The following TAF8 variants were observed in gnomAD, a reference collection of about 807,000 sequenced individuals.
TAF8 encodes the protein TATA-box binding protein associated factor 8, also known as transcription initiation factor TFIID subunit 8.
A neutral mutation model predicts 36.5 loss-of-function variants in TAF8; 47 were observed. The observed-to-expected ratio is 1.29, with a 90% CI of 1.02 to 1.64. The LOEUF (loss-of-function observed/expected upper bound fraction) is 1.64, where lower values mean the gene tolerates loss of function less well. TAF8 is among the 40% of genes most tolerant of loss of function. TAF8 has a pLI of 0.00. For missense variants in TAF8, 420 were observed against 407.6 expected, an observed-to-expected ratio of 1.03 and a Z score of -0.26; for synonymous variants, 175 against 159.5, an observed-to-expected ratio of 1.10 and a Z score of -0.73.
intron 1 of TAF8, 60 bp downstream of exon 1, chr6:42,050,646 C>G: frequency 6.7e-7 from 1 of 1,497,258 alleles, no homozygotes. Context: ...CAACTTTCCC[C>G]TCGACTGAGC....
Position 42,081,060 on chromosome 6 carries a change from T to C in TAF8, c.*3515T>C. On this transcript the variant is annotated 3_prime_UTR_variant, in exon 9 of 9. Transcript: ENST00000372977. The stretch of plus-strand genomic sequence containing the variant: ...TCAAATACAAAATTAGAGAGCAAAA[T>C]ATATGAACCCCTGTATATGCCTCAT... 1.4e-6 allele frequency: 1 copy of C among 689,678 alleles called. No individual in the cohort carries two copies. The allele number at this position is 689,678 out of a possible 1,614,324, so 42.7% of individuals were successfully genotyped here.
In TAF8 at chr6:42,050,586, G is replaced by C. The variant is rs762883922; in HGVS notation, c.45G>C (p.Thr15=). Residue 15 remains threonine, a splice_region_variant and synonymous_variant, in exon 1 of 9, where the codon ACG becomes ACC. Transcript: ENST00000372977. ...CAGCTGGGGCCGGTGGCTCCGGAACGGTAAGGGCAGGAAGCGCGGGCTCGG... is the reference window on the plus strand; with the variant it reads ...CAGCTGGGGCCGGTGGCTCCGGAACCGTAAGGGCAGGAAGCGCGGGCTCGG... ...AATAGAGGSG[T]RSGSKQSTNP... The C allele has an allele frequency of 1.3e-6, 2 of 1,554,848 alleles. No individual in the cohort carries two copies. The highest frequency in any genetic ancestry group is 1.7e-6 in the Non-Finnish European group (2 of 1,149,742).
In TAF8 at chr6:42,051,448, C is replaced by T; in HGVS notation, c.137C>T (p.Thr46Ile). The change falls in exon 2 of 9, where the codon ACA (threonine) becomes ATA (isoleucine). Residue 46 changes from threonine (T) to isoleucine (I), a missense_variant. Thr to Ile is a moderately conservative substitution (Grantham distance 89). Transcript: ENST00000372977. ...TLQVVVSSLL[T>I]EAGFESAEKA... Reference sequence around the variant, plus strand: ...CAGGTGGTTGTGAGCTCCTTGCTGACAGAGGCAGGGTTTGAGAGTGCCGAG... The same window carrying T: ...CAGGTGGTTGTGAGCTCCTTGCTGATAGAGGCAGGGTTTGAGAGTGCCGAG... 6.2e-7 allele frequency: 1 copy of T among 1,614,114 alleles called. No homozygotes were observed. The highest frequency in any genetic ancestry group is 8.5e-7 in the Non-Finnish European group (1 of 1,180,016).
At chr6:42,084,271 C>T (rs968273885), downstream of TAF8, among the ~76,000 whole-genome samples, 16 of 151,146 alleles carry the variant, frequency 1.1e-4, no homozygotes, top group Non-Finnish European at 1.9e-4. Context: ...GTCAGAAGTG[C>T]AGAGGAGAAA....
chr6:42,079,280 T>A lies in TAF8; in HGVS notation c.*1735T>A. The A allele has an allele frequency of 6.1e-6, 6 of 985,496 alleles. No individual in the cohort carries two copies. Among genetic ancestry groups the A allele is most frequent in the Non-Finnish European group, 7.2e-6 (6 of 829,978 alleles). 61.0% of individuals were successfully genotyped at this position (985,496 alleles called of 1,614,324 possible). A position where few individuals can be genotyped will look rare whatever the true frequency, so the allele number is the denominator to read the frequency against. On this transcript the variant is annotated 3_prime_UTR_variant, in exon 9 of 9. Coordinates refer to ENST00000372977, the MANE Select transcript of TAF8 (RefSeq NM_138572.3). ...GGCAGGAGTGAGCCAAGCTGAGGCG[T>A]TCTGCAAGAAGCAGGTCTGAGTCTG...
At chr6:42,056,064 T>C (rs12664954) in intron 4 of TAF8, 50 bp downstream of exon 4, 43 of 1,191,550 alleles carry the variant, frequency 3.6e-5, no homozygotes, top group Non-Finnish European at 4.8e-5. Context: ...TTAATGCTTG[T>C]GGAATGAAGT....
intron 4 of TAF8, 177 bp downstream of exon 4, chr6:42,056,191 A>C: frequency 1.8e-6 from 1 of 550,856 alleles, no homozygotes; most frequent in Non-Finnish European, 3.3e-6. Context: ...AGCATGTGAA[A>C]TTCAGTCACC....
chr6:42,052,177 G>GAGAT (rs1280709554), intron 2 of TAF8, among the ~76,000 whole-genome samples: 1 of 152,168 alleles, frequency 6.6e-6, no homozygotes, highest in African/African-American at 2.4e-5. Context: ...CAGTGCTGGG[G>GAGAT]AGATTTTAAG....
At chr6:42,062,546 T>G (rs1765225375) in intron 5 of TAF8, among the ~76,000 whole-genome samples, 2 of 141,736 alleles carry the variant, frequency 1.4e-5, no homozygotes, top group Non-Finnish European at 3.1e-5. Flanking sequence ...TTTTTTTTTT[T>G]TTTTTTTGAG....
intron 7 of TAF8, among the ~76,000 whole-genome samples, chr6:42,073,261 A>G (rs998658950): frequency 1.3e-5 from 2 of 152,196 alleles, no homozygotes; most frequent in African/African-American, 2.4e-5. Flanking sequence ...TTACTCTTTT[A>G]TGAAAAATAT....
rs550917768 is a variant in TAF8 at position 42,058,389 on chromosome 6, T to G, written c.489+876T>G. Among the ~76,000 whole-genome samples the G allele has an allele frequency of 2.8e-4, 43 of 152,078 alleles. 1 individual carries two copies. In the East Asian group the frequency reaches 7.4e-3, roughly 26 times the overall value. On this transcript the variant is annotated intron_variant, in intron 5 of 8. Transcript: ENST00000372977. ...AGCAAGACTCTGTCTCAAAAAGAAATAAATAAAAATTAGTAATGATAATGA... is the reference window on the plus strand; with the variant it reads ...AGCAAGACTCTGTCTCAAAAAGAAAGAAATAAAAATTAGTAATGATAATGA...
At chr6:42,056,561 G>A (rs773314667) in intron 4 of TAF8, among the ~76,000 whole-genome samples, 1 of 152,152 alleles carries the variant, frequency 6.6e-6, no homozygotes. Context: ...AGAGTAACCA[G>A]TTTGGGCTTG....
rs1377870202 is a variant in TAF8 at position 42,081,179 on chromosome 6, G to GTGTC, written c.*3637_*3638insCTGT. 7.0e-6 allele frequency: 1 copy of GTGTC among 142,814 alleles called. No individual in the cohort carries two copies. Among genetic ancestry groups the GTGTC allele is most frequent in the African/African-American group, 2.9e-5 (1 of 34,688 alleles). 8.8% of individuals were successfully genotyped at this position (142,814 alleles called of 1,614,324 possible). A position where few individuals can be genotyped will look rare whatever the true frequency, so the allele number is the denominator to read the frequency against. On this transcript the variant is annotated 3_prime_UTR_variant, in exon 9 of 9. Transcript: ENST00000372977. ...TTTTCTTTCCTCCTGGAGTGTGTGT[G>GTGTC]TGTGTGTGTGTGCGTGTGTGTGCGT...
chr6:42,050,530 C>CGCCAGAACAAGATGGCCGACGCGGCG lies in TAF8; in HGVS notation c.-7_19dup. 6.8e-7 allele frequency: 1 copy of CGCCAGAACAAGATGGCCGACGCGGCG among 1,463,388 alleles called. No individual in the cohort carries two copies. Among genetic ancestry groups the CGCCAGAACAAGATGGCCGACGCGGCG allele is most frequent in the Non-Finnish European group, 9.2e-7 (1 of 1,092,276 alleles). The allele number at this position is 1,463,388 out of a possible 1,614,324, so 90.7% of individuals were successfully genotyped here. A position where few individuals can be genotyped will look rare whatever the true frequency, so the allele number is the denominator to read the frequency against. ...TCGCGCCCCGCGCTCGCGCACACTA[C>CGCCAGAACAAGATGGCCGACGCGGCG]GCCAGAACAAGATGGCCGACGCGGC... On this transcript the variant is annotated 5_prime_UTR_variant, in exon 1 of 9. In the 5' UTR this introduces an upstream ATG that the reference lacks. Coordinates refer to ENST00000372977, the MANE Select transcript of TAF8 (RefSeq NM_138572.3).
At chr6:42,055,411 C>A in intron 2 of TAF8, 120 bp from the exon 3 acceptor site, 2 of 687,584 alleles carry the variant, frequency 2.9e-6, no homozygotes, top group Non-Finnish European at 5.2e-6. Flanking sequence ...CTTTTCGAAT[C>A]CCTGCTTTCA....
rs1324807918 is a variant in TAF8 at position 42,081,473 on chromosome 6, ATTC to A, written c.*3930_*3932del. ...AAGCTCCGCCACCCAGGTTCACGCCATTCTCCTGCCTCAGCCTCCCAAGTAGCT... is the reference window on the plus strand; with the variant it reads ...AAGCTCCGCCACCCAGGTTCACGCCATCCTGCCTCAGCCTCCCAAGTAGCT... On this transcript the variant is annotated 3_prime_UTR_variant, in exon 9 of 9. Transcript: ENST00000372977. The A allele has an allele frequency of 6.6e-6, 1 of 152,100 alleles. No homozygotes were observed. The highest frequency in any genetic ancestry group is 1.5e-5 in the Non-Finnish European group (1 of 68,066). The allele number at this position is 152,100 out of a possible 1,614,324, so 9.4% of individuals were successfully genotyped here.
chr6:42,072,278 T>A (rs1272954149), intron 7 of TAF8, among the ~76,000 whole-genome samples: 1 of 152,200 alleles, frequency 6.6e-6, no homozygotes, highest in African/African-American at 2.4e-5. Flanking sequence ...AGACAAAGAT[T>A]CTAGTGACAA....
At chr6:42,057,319 G>T in intron 4 of TAF8, 70 bp from the exon 5 acceptor site, 1 of 1,604,072 alleles carries the variant, frequency 6.2e-7, no homozygotes, top group Admixed American at 1.7e-5. Context: ...AGGAGGCTTT[G>T]GGGAGAGACC....
chr6:42,077,249 A>G lies in TAF8; in HGVS notation c.920+10A>G. On this transcript the variant is annotated intron_variant, in intron 8 of 8. Transcript: ENST00000372977. ...AGATCCGCAGGAAGAAGTGAGTTGG[A>G]GGCTGGGGTCCAGAGAGCCTTCACT... 1 of 1,610,378 alleles carries G rather than the reference A, an allele frequency of 6.2e-7. No individual in the cohort carries two copies. Among genetic ancestry groups the G allele is most frequent in the Non-Finnish European group, 8.5e-7 (1 of 1,177,300 alleles).
Sources: allele counts gnomAD v4.1 joint callset (sites outside exome capture counted in the v4.1 genomes callset), GRCh38; gene constraint gnomAD v4.1.1; transcripts MANE v1.5; gene names NCBI Gene and HGNC (gene_info 2026-07-23, HGNC 2026-07-21).